The following ASZ1 variants were observed in gnomAD, a reference collection of about 807,000 sequenced individuals.
The protein encoded by ASZ1 is ankyrin repeat, SAM and basic leucine zipper domain-containing protein 1.
ASZ1 carries 67 observed loss-of-function variants against 61.8 expected under a neutral mutation model. The observed-to-expected ratio is 1.08, with a 90% CI of 0.89 to 1.33. ASZ1 has a LOEUF of 1.33. Among genes scored for constraint, ASZ1 ranks in the 40% most tolerant of loss-of-function variants. ASZ1 has a pLI of 0.00. For missense variants in ASZ1, 577 were observed against 554.5 expected, an observed-to-expected ratio of 1.04 and a Z score of -0.41; for synonymous variants, 193 against 192.7, an observed-to-expected ratio of 1.00 and a Z score of -0.01.
chr7:117,395,761 T>A (rs1054996620), intron 4 of ASZ1, among the ~76,000 whole-genome samples: 3 of 152,160 alleles, frequency 2.0e-5, no homozygotes, highest in African/African-American at 7.2e-5. Context: ...ATGATTTTGT[T>A]CTCCTTTTCC....
intron 4 of ASZ1, among the ~76,000 whole-genome samples, chr7:117,406,307 G>C (rs1171522667): frequency 6.6e-6 from 1 of 151,976 alleles, no homozygotes; most frequent in African/African-American, 2.4e-5. Flanking sequence ...ATTTAAAAAA[G>C]GTTTTCAGAA....
intron 4 of ASZ1, among the ~76,000 whole-genome samples, chr7:117,390,640 T>A (rs1796446735): frequency 6.6e-6 from 1 of 152,210 alleles, no homozygotes; most frequent in Non-Finnish European, 1.5e-5. Context: ...TTTAACTAAT[T>A]TACCTTCTGC....
At chr7:117,388,904 G>A (rs1796410743) in intron 4 of ASZ1, among the ~76,000 whole-genome samples, 1 of 152,112 alleles carries the variant, frequency 6.6e-6, no homozygotes, top group Non-Finnish European at 1.5e-5. Context: ...CACAAAAAAA[G>A]TACTAGAACT....
intron 4 of ASZ1, among the ~76,000 whole-genome samples, chr7:117,410,736 T>A (rs967330542): frequency 1.3e-5 from 2 of 149,388 alleles, no homozygotes; most frequent in African/African-American, 5.1e-5. Context: ...TCCTAAAAGA[T>A]GTAAGAGGAA....
intron 4 of ASZ1, among the ~76,000 whole-genome samples, chr7:117,388,099 C>T (rs1562851104): frequency 6.6e-6 from 1 of 152,066 alleles, no homozygotes; most frequent in Non-Finnish European, 1.5e-5. Context: ...CCACAGCTCA[C>T]TCAAAAAGAA....
At chr7:117,416,735 A>C (rs1797001190) in intron 4 of ASZ1, among the ~76,000 whole-genome samples, 2 of 152,222 alleles carry the variant, frequency 1.3e-5, no homozygotes, top group African/African-American at 4.8e-5. Context: ...CTGTACACTG[A>C]AAATCTGAGT....
intron 2 of ASZ1, among the ~76,000 whole-genome samples, chr7:117,423,478 T>G (rs752053064): frequency 3.9e-5 from 6 of 151,984 alleles, no homozygotes; most frequent in Non-Finnish European, 8.8e-5. Flanking sequence ...AGAGAAAAGA[T>G]CATTGTTTTC....
At chr7:117,390,179 G>GGTTT (rs79961993) in intron 4 of ASZ1, among the ~76,000 whole-genome samples, 2 of 148,546 alleles carry the variant, frequency 1.3e-5, no homozygotes, top group African/African-American at 2.5e-5. Flanking sequence ...AACAGTGGGG[G>GGTTT]TTTTTTTTTT....
chr7:117,425,263 T>TTC (rs1562863382), intron 2 of ASZ1, among the ~76,000 whole-genome samples: 2 of 130,588 alleles, frequency 1.5e-5, no homozygotes, highest in African/African-American at 5.8e-5. Context: ...TAATTTCTTT[T>TTC]TTTTTTTTTT....
At chr7:117,424,808 C>A (rs918381048) in intron 2 of ASZ1, among the ~76,000 whole-genome samples, 26 of 152,298 alleles carry the variant, frequency 1.7e-4, no homozygotes, top group African/African-American at 6.3e-4. Flanking sequence ...TTTCGTTTTT[C>A]AATTCCAAAC....
At chr7:117,419,996 T>C (rs1478806711) in intron 4 of ASZ1, among the ~76,000 whole-genome samples, 167 bp downstream of exon 4, 1 of 152,210 alleles carries the variant, frequency 6.6e-6, no homozygotes, top group East Asian at 1.9e-4. Flanking sequence ...ACTTTCATGA[T>C]ATCCCCTTCC....
chr7:117,385,996 C>A (rs1269779186), intron 4 of ASZ1, among the ~76,000 whole-genome samples, 187 bp from the exon 5 acceptor site: 1 of 152,162 alleles, frequency 6.6e-6, no homozygotes, highest in Admixed American at 6.5e-5. Flanking sequence ...AGAGATGACA[C>A]TTTTAAAGTG....
intron 10 of ASZ1, among the ~76,000 whole-genome samples, chr7:117,374,487 T>C (rs1796103110): frequency 6.6e-6 from 1 of 152,092 alleles, no homozygotes; most frequent in Admixed American, 6.6e-5. Context: ...CGAACCATAA[T>C]ATGTTTCAAA....
At chr7:117,392,345 T>C (rs1191987246) in intron 4 of ASZ1, among the ~76,000 whole-genome samples, 2 of 152,326 alleles carry the variant, frequency 1.3e-5, no homozygotes, top group South Asian at 2.1e-4. Flanking sequence ...AAAAAAGGAA[T>C]GGAAAATCCT....
chr7:117,412,847 A>T (rs950554845), intron 4 of ASZ1, among the ~76,000 whole-genome samples: 2 of 151,966 alleles, frequency 1.3e-5, no homozygotes, highest in Middle Eastern at 6.8e-3. Flanking sequence ...TAAAAACAAA[A>T]ATGTCAATTG....
At chr7:117,392,470 A>G (rs1484203216) in intron 4 of ASZ1, among the ~76,000 whole-genome samples, 1 of 151,916 alleles carries the variant, frequency 6.6e-6, no homozygotes, top group Non-Finnish European at 1.5e-5. Flanking sequence ...ATGGAACTGC[A>G]CTCTTGATTT....
intron 4 of ASZ1, among the ~76,000 whole-genome samples, chr7:117,402,164 G>A (rs1017214816): frequency 3.3e-5 from 5 of 152,158 alleles, no homozygotes; most frequent in African/African-American, 1.2e-4. Context: ...CTCAATCAAA[G>A]ACTGTCCTTC....
intron 10 of ASZ1, among the ~76,000 whole-genome samples, chr7:117,379,150 TATATATATATATATATATAC>T (rs989096397): frequency 4.5e-4 from 47 of 103,974 alleles, no homozygotes; most frequent in East Asian, 1.9e-3. Context: ...TATATATATA[TATATATATATATATATATAC>T]ACACACACAC....
In ASZ1 at chr7:117,402,956, A is replaced by ATGGGCC. The variant is rs1796708369; in HGVS notation, c.441-17148_441-17147insGGCCCA. ...TGGGGCTGCAGTTTGTGAGGTAGAA[A>ATGGGCC]AAGACTTAGCATGATATCATCAATT... On this transcript the variant is annotated intron_variant, in intron 4 of 12. Coordinates refer to ENST00000284629, the MANE Select transcript of ASZ1 (RefSeq NM_130768.3). Among the ~76,000 whole-genome samples, 10 of 22,952 alleles carry ATGGGCC rather than the reference A, an allele frequency of 4.4e-4. No homozygotes were observed. In the Admixed American group the frequency reaches 6.1e-3, roughly 14 times the overall value. 15.1% of individuals were successfully genotyped at this position (22,952 alleles called of 152,430 possible). A position where few individuals can be genotyped will look rare whatever the true frequency, so the allele number is the denominator to read the frequency against.
Sources: gnomAD v4.1 joint callset for allele counts (sites outside exome capture counted in the v4.1 genomes callset) on GRCh38, gnomAD v4.1.1 for gene constraint, MANE v1.5 for transcripts, NCBI Gene and HGNC (gene_info 2026-07-23, HGNC 2026-07-21) for gene names.